The following TLK1 variants were observed in gnomAD, a reference collection of about 807,000 sequenced individuals.
The protein encoded by TLK1 is tousled like kinase 1, also known as serine/threonine-protein kinase tousled-like 1.
TLK1 carries 24 observed loss-of-function variants against 105.3 expected under a neutral mutation model. The ratio of observed to expected loss-of-function variants is 0.23; its 90% CI spans 0.17 to 0.32. The LOEUF (loss-of-function observed/expected upper bound fraction) is 0.32, where lower values mean the gene tolerates loss of function less well. Among genes scored for constraint, TLK1 ranks in the 10% least tolerant of loss-of-function variants. TLK1 has a pLI of 1.00. For synonymous variants in TLK1, 321 were observed against 310.4 expected, an observed-to-expected ratio of 1.03 and a Z score of -0.36; for missense variants, 558 against 910.5, an observed-to-expected ratio of 0.61 and a Z score of 4.98.
At chr2:171,041,996 G>A (rs2105415682) in intron 11 of TLK1, among the ~76,000 whole-genome samples, 1 of 152,270 alleles carries the variant, frequency 6.6e-6, no homozygotes, top group African/African-American at 2.4e-5. Flanking sequence ...GTGGCCTTTT[G>A]CCCTATTTAA....
chr2:171,014,715 C>T, intron 13 of TLK1, 136 bp downstream of exon 13: 2 of 659,534 alleles, frequency 3.0e-6, no homozygotes, highest in Non-Finnish European at 5.1e-6. Flanking sequence ...AAAAGGCCTT[C>T]CAAGCCATGG....
At position 171,004,228 on chromosome 2, in the gene TLK1, G is replaced by C. The variant is rs1684537486; in HGVS notation, c.1904+1919C>G. Reference sequence around the variant, plus strand: ...TCCGCCCGCCTCAGCCTCTCAGAATGCTTGGATTACAGGCGTGAGCCACCG... The same window carrying C: ...TCCGCCCGCCTCAGCCTCTCAGAATCCTTGGATTACAGGCGTGAGCCACCG... On this transcript the variant is annotated intron_variant, in intron 18 of 20. Transcript: ENST00000431350. Among the ~76,000 whole-genome samples, 4 of 152,138 alleles carry C rather than the reference G, an allele frequency of 2.6e-5. No individual in the cohort carries two copies. The South Asian group carries it at 8.3e-4, about 31-fold the overall frequency.
At chr2:171,021,337 G>T (rs1448568880) in intron 12 of TLK1, among the ~76,000 whole-genome samples, 2 of 152,056 alleles carry the variant, frequency 1.3e-5, no homozygotes, top group East Asian at 3.9e-4. Context: ...ACTAACCAAG[G>T]GGCTGACACC....
intron 11 of TLK1, among the ~76,000 whole-genome samples, chr2:171,032,865 A>T (rs1400292173): frequency 1.3e-5 from 2 of 152,298 alleles, no homozygotes; most frequent in East Asian, 3.9e-4. Flanking sequence ...TACAAAAATT[A>T]ACTAAAAATG....
chr2:171,055,836 ACT>A (rs919487948), intron 6 of TLK1, among the ~76,000 whole-genome samples: 2 of 152,008 alleles, frequency 1.3e-5, no homozygotes, highest in African/African-American at 4.8e-5. Context: ...AATAAGTGAA[ACT>A]CTGATTTTTA....
chr2:171,148,719 C>T (rs763534767), intron 1 of TLK1, among the ~76,000 whole-genome samples: 1 of 150,650 alleles, frequency 6.6e-6, no homozygotes, highest in Non-Finnish European at 1.5e-5. Flanking sequence ...CCCCTCTCTA[C>T]CAAAAATACA....
At chr2:171,110,262 G>C (rs2105518442) in intron 2 of TLK1, among the ~76,000 whole-genome samples, 1 of 152,304 alleles carries the variant, frequency 6.6e-6, no homozygotes, top group East Asian at 1.9e-4. Flanking sequence ...TTGAAGTCAG[G>C]AGTTCAGACC....
chr2:170,994,169 G>A (rs1252993957), intron 20 of TLK1, among the ~76,000 whole-genome samples: 2 of 152,088 alleles, frequency 1.3e-5, no homozygotes, highest in African/African-American at 4.8e-5. Flanking sequence ...TCACTTTACA[G>A]TCTAAATTAC....
At chr2:171,089,356 G>C (rs923205278) in intron 2 of TLK1, among the ~76,000 whole-genome samples, 1 of 152,012 alleles carries the variant, frequency 6.6e-6, no homozygotes, top group African/African-American at 2.4e-5. Context: ...GCCAATCTAA[G>C]GTAATGAAGA....
intron 1 of TLK1, among the ~76,000 whole-genome samples, chr2:171,126,625 CA>C (rs1390771837): frequency 6.6e-6 from 1 of 151,826 alleles, no homozygotes; most frequent in African/African-American, 2.4e-5. Flanking sequence ...TACCAGTTAC[CA>C]AAAAGGTGAA....
chr2:171,035,224 C>A (rs543754885), intron 11 of TLK1, among the ~76,000 whole-genome samples: 2 of 152,104 alleles, frequency 1.3e-5, no homozygotes, highest in Admixed American at 6.5e-5. Context: ...CACCTGTAAT[C>A]CCAGCTACTC....
chr2:171,206,965 G>A (rs1420086239), intron 1 of TLK1, among the ~76,000 whole-genome samples: 2 of 152,168 alleles, frequency 1.3e-5, no homozygotes, highest in Non-Finnish European at 2.9e-5. Flanking sequence ...AGGCAAAATG[G>A]TACAACTACT....
chr2:171,028,466 A>G, intron 11 of TLK1, 61 bp from the exon 12 acceptor site: 1 of 1,139,782 alleles, frequency 8.8e-7, no homozygotes, highest in Non-Finnish European at 1.3e-6. Flanking sequence ...ATTAACAACT[A>G]GCAAAATATA....
At chr2:171,114,806 G>T (rs1690337057) in intron 2 of TLK1, among the ~76,000 whole-genome samples, 1 of 151,916 alleles carries the variant, frequency 6.6e-6, no homozygotes, top group South Asian at 2.1e-4. Context: ...CTGCACTCCA[G>T]CCTGAGTGAC....
At chr2:171,209,571 CT>C (rs1271664460) in intron 1 of TLK1, among the ~76,000 whole-genome samples, 2 of 151,982 alleles carry the variant, frequency 1.3e-5, no homozygotes, top group Non-Finnish European at 2.9e-5. Context: ...GTAATGTGTC[CT>C]TTTGTAAGTC....
intron 1 of TLK1, among the ~76,000 whole-genome samples, chr2:171,214,281 G>C (rs922294459): frequency 6.6e-6 from 1 of 152,080 alleles, no homozygotes; most frequent in Non-Finnish European, 1.5e-5. Context: ...GTATCCATAC[G>C]GCTTGGGTGA....
intron 1 of TLK1, among the ~76,000 whole-genome samples, chr2:171,196,431 G>A (rs1243905850): frequency 2.0e-5 from 3 of 152,128 alleles, no homozygotes; most frequent in African/African-American, 7.2e-5. Flanking sequence ...AGCCAGAAAT[G>A]GTGAGACCTT....
intron 2 of TLK1, among the ~76,000 whole-genome samples, chr2:171,087,641 A>AC (rs1226238771): frequency 6.6e-6 from 1 of 152,206 alleles, no homozygotes; most frequent in Non-Finnish European, 1.5e-5. Context: ...CAGGATAACT[A>AC]CAAAGAAAAC....
intron 2 of TLK1, among the ~76,000 whole-genome samples, chr2:171,109,002 CAAAA>C (rs1207145489): frequency 1.3e-5 from 2 of 152,064 alleles, no homozygotes; most frequent in African/African-American, 4.8e-5. Flanking sequence ...TATACAGTCA[CAAAA>C]AGAATAGAAC....
Sources: allele counts gnomAD v4.1 joint callset (sites outside exome capture counted in the v4.1 genomes callset), GRCh38; gene constraint gnomAD v4.1.1; transcripts MANE v1.5; gene names NCBI Gene and HGNC (gene_info 2026-07-23, HGNC 2026-07-21).